Variants in WNK2 observed in about 807,000 individuals in gnomAD.
The protein encoded by WNK2 is serine/threonine-protein kinase WNK2.
Under a neutral mutation model 192.1 loss-of-function variants are expected in WNK2, and 67 were observed. That is an observed-to-expected ratio of 0.35 (90% confidence interval 0.29 to 0.43). The LOEUF (loss-of-function observed/expected upper bound fraction) is 0.43. WNK2 is among the 20% of genes least tolerant of loss of function. WNK2 has a pLI of 1.00. For synonymous variants in WNK2, 1,439 were observed against 1,393.9 expected (o/e 1.03, Z -0.72); for missense variants, 2,698 against 3,089.7 (o/e 0.87, Z 3.01).
chr9:93,219,821 G>A (rs1477189503), intron 2 of WNK2, among the ~76,000 whole-genome samples: 2 of 152,234 alleles, frequency 1.3e-5, no homozygotes, highest in Non-Finnish European at 2.9e-5. Context: ...CTGCTTCCTC[G>A]CTTGGGCTCT....
Position 93,265,819 on chromosome 9 carries a change from T to G in WNK2, c.3696+1786T>G, listed in dbSNP as rs114036545. 3.3e-3 allele frequency among the ~76,000 whole-genome samples: 498 copies of G among 152,340 alleles called. 5 individuals are homozygous for G. Among genetic ancestry groups the G allele is most frequent in the African/African-American group, 0.011 (476 of 41,580 alleles). The stretch of plus-strand genomic sequence containing the variant: ...GCCTGTGTCGTGTCCACTGGCCCCC[T>G]GGTTTTCAGTCTTCTTGTGTGTCTC... On this transcript the variant is annotated intron_variant, in intron 16 of 29. Transcript: ENST00000427277.
chr9:93,279,320 C>G (rs772599301), intron 19 of WNK2, among the ~76,000 whole-genome samples: 19 of 152,156 alleles, frequency 1.2e-4, no homozygotes, highest in Non-Finnish European at 2.4e-4. Context: ...TAACAACAAT[C>G]AAAGATTGAA....
At chr9:93,264,182 G>A (rs895955186) in intron 16 of WNK2, 149 bp downstream of exon 16, 11 of 646,500 alleles carry the variant, frequency 1.7e-5, no homozygotes, top group African/African-American at 3.6e-5. Flanking sequence ...GACCTTTTAC[G>A]CCTCGGGCTC....
At chr9:93,300,209 C>G in intron 26 of WNK2, 60 bp downstream of exon 26, 1 of 1,358,458 alleles carries the variant, frequency 7.4e-7, no homozygotes, top group Non-Finnish European at 1.0e-6. Context: ...TCCCCCCACC[C>G]CCTCCCTGTC....
intron 19 of WNK2, among the ~76,000 whole-genome samples, chr9:93,276,682 T>C (rs1423218800): frequency 1.3e-5 from 2 of 152,168 alleles, no homozygotes; most frequent in South Asian, 2.1e-4. Flanking sequence ...ATATCCAACA[T>C]AGTGTCTGTG....
chr9:93,256,157 T>C, intron 9 of WNK2, 142 bp from the exon 10 acceptor site: 1 of 1,057,762 alleles, frequency 9.5e-7, no homozygotes, highest in Non-Finnish European at 1.3e-6. Context: ...GCTCCCTCAC[T>C]GCTTCTGCTG....
chr9:93,275,749 T>C (rs1421814986), intron 19 of WNK2, among the ~76,000 whole-genome samples: 1 of 152,256 alleles, frequency 6.6e-6, no homozygotes. Flanking sequence ...TAAGTGAGTT[T>C]AGCAATACCA....
At chr9:93,220,079 A>G (rs1348676896) in intron 2 of WNK2, among the ~76,000 whole-genome samples, 1 of 152,168 alleles carries the variant, frequency 6.6e-6, no homozygotes, top group Non-Finnish European at 1.5e-5. Flanking sequence ...TGGTTCCCCC[A>G]GGGTGTGAAT....
At chr9:93,302,145 G>A (rs184063137) in intron 26 of WNK2, among the ~76,000 whole-genome samples, 1 of 152,376 alleles carries the variant, frequency 6.6e-6, no homozygotes, top group East Asian at 1.9e-4. Flanking sequence ...CAGCCCAAAA[G>A]AGAAGGGAGA....
chr9:93,249,936 A>AG (rs1449286120), intron 8 of WNK2, among the ~76,000 whole-genome samples: 2 of 21,740 alleles, frequency 9.2e-5, no homozygotes, highest in Non-Finnish European at 1.5e-4. Context: ...TTTTTTTTAA[A>AG]GACAGTCTCG....
chr9:93,277,642 A>G (rs1444264941), intron 19 of WNK2, among the ~76,000 whole-genome samples: 4 of 152,208 alleles, frequency 2.6e-5, no homozygotes, highest in East Asian at 1.9e-4. Context: ...ATGCTAAACT[A>G]TAATGATAAG....
At position 93,217,130 on chromosome 9, in the gene WNK2, T is replaced by C. The variant is rs559990240; in HGVS notation, c.682-12566T>C. 6.6e-4 allele frequency among the ~76,000 whole-genome samples: 101 copies of C among 152,174 alleles called. 1 individual carries two copies. Among genetic ancestry groups the C allele is most frequent in the African/African-American group, 2.2e-3 (90 of 41,536 alleles). On this transcript the variant is annotated intron_variant, in intron 2 of 29. Coordinates refer to ENST00000427277, the MANE Select transcript of WNK2 (RefSeq NM_006648.4). ...TGCACCACCACGCCTAGCTAATTTT[T>C]GTATTTTTAGTAGAGATGGGGTTTC...
intron 2 of WNK2, among the ~76,000 whole-genome samples, chr9:93,217,582 G>A (rs950937287): frequency 1.3e-5 from 2 of 152,228 alleles, no homozygotes; most frequent in African/African-American, 2.4e-5. Flanking sequence ...GGATTGGGGT[G>A]CAGATGTGGG....
rs12115852 is a variant in WNK2 at position 93,240,024 on chromosome 9, C to T, written c.1542+48C>T. On this transcript the variant is annotated intron_variant, in intron 7 of 29. Coordinates refer to ENST00000427277, the MANE Select transcript of WNK2 (RefSeq NM_006648.4). ...GAGGTGGGTGCAGGTGTTGGCAGCT[C>T]GTGGTTTCCAAGGATGAGAACAAAA... 1,434 of 1,561,188 alleles carry T rather than the reference C, an allele frequency of 9.2e-4. 22 individuals carry two copies. The African/African-American group carries it at 0.018, about 20-fold the overall frequency.
intron 2 of WNK2, among the ~76,000 whole-genome samples, chr9:93,211,965 C>T (rs1317907420): frequency 6.6e-6 from 1 of 152,108 alleles, no homozygotes; most frequent in Non-Finnish European, 1.5e-5. Flanking sequence ...CATACATTCA[C>T]TCACTCACTC....
At chr9:93,205,391 G>A (rs559404654) in intron 2 of WNK2, among the ~76,000 whole-genome samples, 2 of 152,298 alleles carry the variant, frequency 1.3e-5, no homozygotes, top group African/African-American at 2.4e-5. Flanking sequence ...GTCTGGAGAG[G>A]CCATTGGCCC....
At chr9:93,199,141 G>A (rs998404788) in intron 2 of WNK2, among the ~76,000 whole-genome samples, 7 of 152,186 alleles carry the variant, frequency 4.6e-5, no homozygotes, top group Non-Finnish European at 1.0e-4. Flanking sequence ...CCCTCTGTGG[G>A]GTGCGGCTTC....
chr9:93,283,470 C>T (rs1400124963), intron 19 of WNK2, among the ~76,000 whole-genome samples: 1 of 152,118 alleles, frequency 6.6e-6, no homozygotes, highest in African/African-American at 2.4e-5. Context: ...GGGGGAGACA[C>T]TGCTACAGTC....
chr9:93,300,620 C>T (rs1296434720), intron 26 of WNK2, among the ~76,000 whole-genome samples: 4 of 152,120 alleles, frequency 2.6e-5, no homozygotes, highest in Non-Finnish European at 5.9e-5. Context: ...GTGTGTCACG[C>T]GTGTCTGGAC....
Sources: gnomAD v4.1 joint callset for allele counts (sites outside exome capture counted in the v4.1 genomes callset) on GRCh38, gnomAD v4.1.1 for gene constraint, MANE v1.5 for transcripts, NCBI Gene and HGNC (gene_info 2026-07-23, HGNC 2026-07-21) for gene names.